Variants in REEP3 observed in about 807,000 individuals in gnomAD.
The protein encoded by REEP3 is receptor accessory protein 3.
Under a neutral mutation model 41.3 loss-of-function variants are expected in REEP3, and 20 were observed. That is an observed-to-expected ratio of 0.48 (90% CI 0.34 to 0.70). REEP3 has a LOEUF of 0.70. Among genes scored for constraint, REEP3 ranks in the 30% least tolerant of loss-of-function variants. The pLI is 0.01. For synonymous variants in REEP3, 104 were observed against 101.8 expected (o/e 1.02, Z -0.13); for missense variants, 271 against 308.8 (o/e 0.88, Z 0.92).
intron 1 of REEP3, among the ~76,000 whole-genome samples, chr10:63,545,680 G>GTTTTTTTTTT (rs55779021): frequency 7.2e-5 from 4 of 55,414 alleles, no homozygotes; most frequent in Non-Finnish European, 9.5e-5. Context: ...GCCAACTTCT[G>GTTTTTTTTTT]TTTTTTTTTT....
intron 6 of REEP3, among the ~76,000 whole-genome samples, chr10:63,618,237 C>CTTTTTTT (rs60115766): frequency 2.6e-4 from 17 of 66,592 alleles, no homozygotes; most frequent in Non-Finnish European, 3.5e-4. Context: ...TTTCCTTCTT[C>CTTTTTTT]TTTTTTTTTT....
At chr10:63,521,859 C>A in intron 1 of REEP3, 1 of 174,912 alleles carries the variant, frequency 5.7e-6, no homozygotes, top group South Asian at 1.7e-4. Context: ...CGCGGCGCCC[C>A]TGCTCCGGCG....
At chr10:63,527,210 C>T (rs1033282468) in intron 1 of REEP3, among the ~76,000 whole-genome samples, 20 of 152,190 alleles carry the variant, frequency 1.3e-4, no homozygotes, top group Non-Finnish European at 2.2e-4. Context: ...CAGCTTTCCC[C>T]CTTCTTTTCA....
intron 1 of REEP3, among the ~76,000 whole-genome samples, chr10:63,554,101 CAA>C (rs11298394): frequency 2.7e-5 from 3 of 110,392 alleles, no homozygotes; most frequent in Admixed American, 9.6e-5. Context: ...GACTCCGTCT[CAA>C]AAAAAAAAAA....
intron 5 of REEP3, among the ~76,000 whole-genome samples, chr10:63,604,942 G>T (rs1334244522): frequency 6.6e-6 from 1 of 152,122 alleles, no homozygotes; most frequent in African/African-American, 2.4e-5. Context: ...AGGCAATTTT[G>T]TGCCCCTACC....
intron 2 of REEP3, among the ~76,000 whole-genome samples, chr10:63,589,321 T>G (rs563308515): frequency 6.6e-6 from 1 of 152,238 alleles, no homozygotes; most frequent in South Asian, 2.1e-4. Flanking sequence ...AACCTTCTAT[T>G]TTCCCCTCCA....
intron 2 of REEP3, among the ~76,000 whole-genome samples, chr10:63,578,203 G>A (rs1318920246): frequency 3.3e-5 from 5 of 152,088 alleles, no homozygotes; most frequent in African/African-American, 4.8e-5. Context: ...AGGTTCAAGC[G>A]ATTCTCTTGC....
At chr10:63,601,419 A>C (rs1956170890) in intron 5 of REEP3, among the ~76,000 whole-genome samples, 1 of 152,212 alleles carries the variant, frequency 6.6e-6, no homozygotes, top group Non-Finnish European at 1.5e-5. Flanking sequence ...GGAATGGTCC[A>C]CAAAAAAGAA....
chr10:63,604,571 C>A (rs573465625), intron 5 of REEP3, among the ~76,000 whole-genome samples: 1 of 151,844 alleles, frequency 6.6e-6, no homozygotes, highest in South Asian at 2.1e-4. Context: ...CCGATTAGGT[C>A]AAAAATCCGA....
chr10:63,524,155 A>G (rs953996928), intron 1 of REEP3, among the ~76,000 whole-genome samples: 1 of 152,150 alleles, frequency 6.6e-6, no homozygotes, highest in Admixed American at 6.5e-5. Flanking sequence ...ACATCATTCT[A>G]TTTTTCCTCT....
chr10:63,610,159 T>A (rs1483323450), intron 5 of REEP3, 28 bp from the exon 6 acceptor site: 1 of 1,586,468 alleles, frequency 6.3e-7, no homozygotes, highest in Non-Finnish European at 8.6e-7. Context: ...ATATTTTTTC[T>A]TGGACCTATC....
At chr10:63,547,741 A>G (rs762883251) in intron 1 of REEP3, among the ~76,000 whole-genome samples, 1 of 152,240 alleles carries the variant, frequency 6.6e-6, no homozygotes, top group African/African-American at 2.4e-5. Context: ...TACTATTTTA[A>G]GAAAAGCTCT....
chr10:63,535,924 G>A lies in REEP3; in HGVS notation c.32+14347G>A, dbSNP rs368874970. Among the ~76,000 whole-genome samples, 142 of 152,310 alleles carry A rather than the reference G, an allele frequency of 9.3e-4. No homozygotes were observed. In the Middle Eastern group the frequency reaches 0.017, roughly 18 times the overall value. ...GGTAGGAGAATATCACAATTTGGTA[G>A]AGAAGAATTTTTCAGACCCTACAAC... is the stretch of plus-strand genomic sequence containing the variant. On this transcript the variant is annotated intron_variant, in intron 1 of 7. Transcript: ENST00000373758.
rs548811745 is a variant in REEP3 at position 63,580,292 on chromosome 10, C to T, written c.105+13882C>T. On this transcript the variant is annotated intron_variant, in intron 2 of 7. Transcript: ENST00000373758. ...CTGGGACTCCAGATGTGTGCCACCA[C>T]GCCCATCTAATTTTTGAATTTTTTC... 1.5e-4 allele frequency among the ~76,000 whole-genome samples: 23 copies of T among 152,070 alleles called. No individual in the cohort carries two copies. In the East Asian group the frequency reaches 1.5e-3, roughly 10 times the overall value.
At chr10:63,534,115 G>T (rs2133343611) in intron 1 of REEP3, among the ~76,000 whole-genome samples, 2 of 152,124 alleles carry the variant, frequency 1.3e-5, no homozygotes, top group East Asian at 1.9e-4. Context: ...AAAAAAACCT[G>T]ATCTTTCCTT....
In REEP3 at chr10:63,624,583, G is replaced by A. The variant is rs1021932839; in HGVS notation, c.*3714G>A. 4 of 151,906 alleles carry A rather than the reference G, an allele frequency of 2.6e-5. No homozygotes were observed. The highest frequency in any genetic ancestry group is 7.2e-5 in the African/African-American group (3 of 41,380). 9.4% of individuals were successfully genotyped at this position (151,906 alleles called of 1,614,324 possible). On this transcript the variant is annotated 3_prime_UTR_variant, in exon 8 of 8. Coordinates refer to ENST00000373758, the MANE Select transcript of REEP3 (RefSeq NM_001001330.3). ...ACTCATTTTATTTGTGGCAATTCGCGTTTCTTTTTTTATGCCAGAGTACAT... is the reference window on the plus strand; with the variant it reads ...ACTCATTTTATTTGTGGCAATTCGCATTTCTTTTTTTATGCCAGAGTACAT...
At chr10:63,541,964 ATTAC>A (rs768539453) in intron 1 of REEP3, among the ~76,000 whole-genome samples, 2 of 152,220 alleles carry the variant, frequency 1.3e-5, no homozygotes, top group Non-Finnish European at 2.9e-5. Context: ...TCTATGTCAT[ATTAC>A]TTCTAGTTTA....
chr10:63,534,910 A>C (rs16918567), intron 1 of REEP3, among the ~76,000 whole-genome samples: 20,540 of 152,182 alleles, frequency 0.13, 2,009 homozygotes, highest in East Asian at 0.29. Context: ...TGAGAAAGGA[A>C]AGCAGTCAGT....
At chr10:63,592,777 C>T (rs998638753) in intron 2 of REEP3, among the ~76,000 whole-genome samples, 7 of 152,160 alleles carry the variant, frequency 4.6e-5, no homozygotes, top group Admixed American at 3.9e-4. Flanking sequence ...CCTGTAATCC[C>T]AGCTACTCAG....
Sources: gnomAD v4.1 joint callset for allele counts (sites outside exome capture counted in the v4.1 genomes callset) on GRCh38, gnomAD v4.1.1 for gene constraint, MANE v1.5 for transcripts, NCBI Gene and HGNC (gene_info 2026-07-23, HGNC 2026-07-21) for gene names.